Variants in MAP4K5 observed in about 807,000 individuals in gnomAD.
MAP4K5 encodes the protein MAPK/ERK kinase kinase kinase 5.
In MAP4K5, 82 loss-of-function variants were observed where a neutral mutation model predicts 135.6. The ratio of observed to expected loss-of-function variants is 0.60; its 90% CI spans 0.51 to 0.73. The LOEUF (loss-of-function observed/expected upper bound fraction) is 0.73, where lower values mean the gene tolerates loss of function less well. Among genes scored for constraint, MAP4K5 ranks in the 30% least tolerant of loss-of-function variants. MAP4K5 has a pLI of 0.00. For missense variants in MAP4K5, 907 were observed against 1,010.9 expected, an observed-to-expected ratio of 0.90 and a Z score of 1.39; for synonymous variants, 347 against 335.0, an observed-to-expected ratio of 1.04 and a Z score of -0.39.
intron 3 of MAP4K5, among the ~76,000 whole-genome samples, chr14:50,491,132 AT>A (rs1403794261): frequency 2.0e-5 from 3 of 151,746 alleles, no homozygotes; most frequent in Non-Finnish European, 2.9e-5. Flanking sequence ...AGACCCTCAG[AT>A]TTTTTTTCAA....
intron 17 of MAP4K5, 97 bp from the exon 18 acceptor site, chr14:50,445,291 A>T: frequency 9.2e-7 from 1 of 1,084,724 alleles, no homozygotes; most frequent in Non-Finnish European, 1.3e-6. Flanking sequence ...TCTTCTATAC[A>T]GTTCAATTCA....
intron 6 of MAP4K5, among the ~76,000 whole-genome samples, chr14:50,478,303 G>C (rs1053690364): frequency 9.9e-5 from 15 of 151,572 alleles, no homozygotes; most frequent in African/African-American, 3.6e-4. Context: ...TTTTTTTCCT[G>C]ATCAATCTGT....
intron 3 of MAP4K5, among the ~76,000 whole-genome samples, chr14:50,502,985 T>C (rs576329065): frequency 5.9e-5 from 9 of 151,902 alleles, no homozygotes; most frequent in African/African-American, 1.7e-4. Context: ...CAGTTCAAAA[T>C]TGTTATAATT....
intron 9 of MAP4K5, among the ~76,000 whole-genome samples, chr14:50,470,065 A>G (rs2036922996): frequency 6.6e-6 from 1 of 152,202 alleles, no homozygotes; most frequent in South Asian, 2.1e-4. Flanking sequence ...ACGGAGCAAG[A>G]TAATTGAAGG....
chr14:50,507,769 T>A (rs151051421), intron 2 of MAP4K5, among the ~76,000 whole-genome samples: 2 of 152,168 alleles, frequency 1.3e-5, no homozygotes, highest in Admixed American at 6.5e-5. Context: ...TATTTCCAAC[T>A]ATGTGGTCAG....
chr14:50,519,476 G>A (rs1420337228), intron 2 of MAP4K5, among the ~76,000 whole-genome samples: 1 of 151,980 alleles, frequency 6.6e-6, no homozygotes, highest in African/African-American at 2.4e-5. Flanking sequence ...CCAACACGGT[G>A]AAACCCTGTC....
Position 50,436,898 on chromosome 14 carries a change from C to T in MAP4K5, c.1882+578G>A, listed in dbSNP as rs369925949. 7.2e-4 allele frequency among the ~76,000 whole-genome samples: 110 copies of T among 152,278 alleles called. 2 individuals are homozygous for T. The highest frequency in any genetic ancestry group is 7.7e-4 in the East Asian group (4 of 5,188). On this transcript the variant is annotated intron_variant, in intron 26 of 32. Transcript: ENST00000682126. The stretch of plus-strand genomic sequence containing the variant: ...ATCTATATTCTGTCCCTGTTCTAAA[C>T]GGTAATGATTTTAATCTATATTCTT...
chr14:50,430,473 CT>C (rs1373605215), intron 28 of MAP4K5, among the ~76,000 whole-genome samples: 3 of 152,188 alleles, frequency 2.0e-5, no homozygotes, highest in Non-Finnish European at 2.9e-5. Context: ...CATTGTATGA[CT>C]TTTCCTTCAA....
chr14:50,428,964 A>C (rs151082350), intron 29 of MAP4K5, among the ~76,000 whole-genome samples: 277 of 152,326 alleles, frequency 1.8e-3, no homozygotes, highest in Admixed American at 3.1e-3. Context: ...TATATAGTAT[A>C]TACTGAATAT....
chr14:50,495,186 T>G (rs2037567309), intron 3 of MAP4K5, among the ~76,000 whole-genome samples: 1 of 152,164 alleles, frequency 6.6e-6, no homozygotes, highest in African/African-American at 2.4e-5. Context: ...AAGAAGGGTT[T>G]AATACCCAGA....
intron 32 of MAP4K5, among the ~76,000 whole-genome samples, chr14:50,421,685 G>GT (rs541929128): frequency 6.7e-4 from 102 of 152,070 alleles, no homozygotes; most frequent in African/African-American, 2.0e-3. Flanking sequence ...GAAGGAAGTA[G>GT]TTTTTCAGAG....
chr14:50,498,030 G>A (rs2037630409), intron 3 of MAP4K5, among the ~76,000 whole-genome samples: 3 of 152,202 alleles, frequency 2.0e-5, no homozygotes, highest in Admixed American at 2.0e-4. Context: ...GTAGGATTCT[G>A]ATGGTAAGTT....
At position 50,473,357 on chromosome 14, in the gene MAP4K5, TTTGCTAATAGAG is replaced by T. The variant is rs1396147014; in HGVS notation, c.542+1708_542+1719del. On this transcript the variant is annotated intron_variant, in intron 9 of 32. Transcript: ENST00000682126. ...GCACAAATAAGTCTATGCCATTGTT[TTTGCTAATAGAG>T]TTGGTATTAGAAAAAAAAAGAAATC... is the stretch of plus-strand genomic sequence containing the variant. Among the ~76,000 whole-genome samples the T allele has an allele frequency of 7.2e-5, 11 of 152,272 alleles. No homozygotes were observed. The East Asian group carries it at 7.7e-4, about 11-fold the overall frequency.
At chr14:50,496,289 G>A (rs2139983640) in intron 3 of MAP4K5, among the ~76,000 whole-genome samples, 1 of 152,092 alleles carries the variant, frequency 6.6e-6, no homozygotes, top group Admixed American at 6.5e-5. Context: ...TTGTGCCATT[G>A]CACTCCACCC....
intron 1 of MAP4K5, among the ~76,000 whole-genome samples, chr14:50,553,440 A>AT (rs1013439814): frequency 6.6e-6 from 1 of 151,244 alleles, no homozygotes; most frequent in South Asian, 2.1e-4. Context: ...TAATTTAAAA[A>AT]TTAAAAAAAA....
chr14:50,458,814 T>C (rs922360199), intron 13 of MAP4K5, among the ~76,000 whole-genome samples: 1 of 152,148 alleles, frequency 6.6e-6, no homozygotes, highest in African/African-American at 2.4e-5. Flanking sequence ...TATTTACTTT[T>C]ATTTATTTTT....
At chr14:50,440,979 G>C (rs1183211608) in intron 21 of MAP4K5, among the ~76,000 whole-genome samples, 1 of 151,892 alleles carries the variant, frequency 6.6e-6, no homozygotes, top group African/African-American at 2.4e-5. Flanking sequence ...AAAATGATGA[G>C]GACATTTCAA....
At position 50,434,506 on chromosome 14, in the gene MAP4K5, T is replaced by C. The variant is rs555897795; in HGVS notation, c.2052A>G (p.Glu684=). The C allele has an allele frequency of 6.2e-7, 1 of 1,607,198 alleles. No homozygotes were observed. Among genetic ancestry groups the C allele is most frequent in the Admixed American group, 1.7e-5 (1 of 59,060 alleles). Residue 684 remains glutamate (E), a synonymous_variant, in exon 28 of 33, where the codon GAA becomes GAG. Coordinates refer to ENST00000682126, the MANE Select transcript of MAP4K5 (RefSeq NM_006575.6). ...TAATAGCTACACAGACCATAGGGTA[T>C]TCCTGTTCAGGTATCACCAGCATTT... ...VFEMLVIPEQ[E]YPMVCVAISK...
chr14:50,425,142 G>GT (rs1450746000), intron 31 of MAP4K5, among the ~76,000 whole-genome samples: 6 of 66,284 alleles, frequency 9.1e-5, no homozygotes, highest in African/African-American at 2.1e-4. Flanking sequence ...AAGTATTCAC[G>GT]TAAATGTGAA....
Sources: allele counts gnomAD v4.1 joint callset (sites outside exome capture counted in the v4.1 genomes callset), GRCh38; gene constraint gnomAD v4.1.1; transcripts MANE v1.5; gene names NCBI Gene and HGNC (gene_info 2026-07-23, HGNC 2026-07-21).